GRM6: variants seen among roughly 807,000 people sequenced by gnomAD.
GRM6 encodes the protein metabotropic glutamate receptor 6.
In GRM6, 73 loss-of-function variants were observed where a neutral mutation model predicts 78.4. The ratio of observed to expected loss-of-function variants is 0.93; its 90% CI spans 0.77 to 1.13. The LOEUF (loss-of-function observed/expected upper bound fraction) is 1.13. Ranked by LOEUF, GRM6 falls within the 50% of genes most tolerant of loss-of-function variation. The pLI is 0.00. For synonymous variants in GRM6, 580 were observed against 555.0 expected, an observed-to-expected ratio of 1.05 and a Z score of -0.63; for missense variants, 1,251 against 1,256.4, an observed-to-expected ratio of 1.00 and a Z score of 0.07.
Position 178,985,481 on chromosome 5 carries a change from A to G in GRM6, c.2124+649T>C, listed in dbSNP as rs574779132. ...CACTTTGGGAGGCCGAGGTGGGCGG[A>G]TCACGAGGTCAGGAGATCGAGACCA... On this transcript the variant is annotated intron_variant, in intron 9 of 10. Coordinates refer to ENST00000517717, the MANE Select transcript of GRM6 (RefSeq NM_000843.4). The G allele has an allele frequency of 4.1e-4, 141 of 342,564 alleles. 2 individuals carry two copies. The highest frequency in any genetic ancestry group is 3.0e-3 in the South Asian group (136 of 44,830). 21.2% of individuals were successfully genotyped at this position (342,564 alleles called of 1,614,324 possible).
intron 10 of GRM6, among the ~76,000 whole-genome samples, chr5:178,982,573 T>C (rs1692310382): frequency 2.7e-5 from 1 of 37,682 alleles, no homozygotes; most frequent in Non-Finnish European, 4.4e-5. Context: ...TGAGACTCTG[T>C]CTCAAAAAAA....
chr5:178,985,130 C>A, intron 9 of GRM6: 1 of 345,922 alleles, frequency 2.9e-6, no homozygotes, highest in South Asian at 2.2e-5. Flanking sequence ...CTGTGCCTCT[C>A]ATCCACACTG....
At position 178,991,956 on chromosome 5, in the gene GRM6, A is replaced by G. The variant is rs547535418; in HGVS notation, c.632T>C (p.Leu211Pro). The G allele has an allele frequency of 1.1e-5, 18 of 1,613,994 alleles. No individual in the cohort carries two copies. The highest frequency in any genetic ancestry group is 1.5e-5 in the Non-Finnish European group (18 of 1,180,018). The change falls in exon 3 of 11, where the codon CTG becomes CCG. Residue 211 changes from leucine (L) to proline (P), a missense_variant. By Grantham distance (98) the Leu-to-Pro change is moderately conservative (BLOSUM62 -3). Coordinates refer to ENST00000517717, the MANE Select transcript of GRM6 (RefSeq NM_000843.4). The surrounding 1 kb of genome is among the most constrained non-coding windows in gnomAD (Gnocchi z 5.0). ...AQAMVDIVRA[L>P]GWNYVSTLAS... ...CAGCGTGGACACATAGTTCCATCCC[A>G]GTGCCCTCACGATGTCCACCATGGC... is the stretch of plus-strand genomic sequence containing the variant.
In GRM6 at chr5:178,992,759, GA is replaced by G. The variant is rs1760704583; in HGVS notation, c.505-677del. ...AGCAGGAGCTGGTGTGAAGGCCAGAGAGGGGGAGTTTCTGGAAGGAGGGAGG... is the reference window on the plus strand; with the variant it reads ...AGCAGGAGCTGGTGTGAAGGCCAGAGGGGGGAGTTTCTGGAAGGAGGGAGG... On this transcript the variant is annotated intron_variant, in intron 2 of 10. Coordinates refer to ENST00000517717, the MANE Select transcript of GRM6 (RefSeq NM_000843.4). This position sits in a 1 kb window ranked among gnomAD's most constrained non-coding sequence, Gnocchi z 4.9. 6.6e-6 allele frequency among the ~76,000 whole-genome samples: 1 copy of G among 152,190 alleles called. No individual in the cohort carries two copies. The highest frequency in any genetic ancestry group is 1.5e-5 in the Non-Finnish European group (1 of 67,998).
chr5:178,987,447 G>A (rs1205296811), intron 7 of GRM6: 1 of 457,524 alleles, frequency 2.2e-6, no homozygotes, highest in South Asian at 1.5e-5. Flanking sequence ...ACACGACGGG[G>A]CCATTCACAC....
rs573845106 is a variant in GRM6 at position 178,988,038 on chromosome 5, G to A, written c.1354+897C>T. On this transcript the variant is annotated intron_variant, in intron 7 of 10. Transcript: ENST00000517717. This position sits in a 1 kb window ranked among gnomAD's most constrained non-coding sequence, Gnocchi z 6.0. ...GCCTCCCAAAGTGCTCAGATTACAGGAGTGAGCCATTGCGCCCAGACTGAA... is the reference window on the plus strand; with the variant it reads ...GCCTCCCAAAGTGCTCAGATTACAGAAGTGAGCCATTGCGCCCAGACTGAA... Among the ~76,000 whole-genome samples the A allele has an allele frequency of 2.0e-5, 3 of 152,288 alleles. No homozygotes were observed. In the South Asian group the frequency reaches 6.2e-4, roughly 32 times the overall value.
chr5:178,989,582 G>C (rs986777483), intron 5 of GRM6, among the ~76,000 whole-genome samples, 177 bp from the exon 6 acceptor site: 9 of 151,844 alleles, frequency 5.9e-5, no homozygotes, highest in African/African-American at 2.2e-4. Context: ...GGCGTGGCCA[G>C]GTGAGCTAGG....
At chr5:178,983,548 A>G (rs757913483) in intron 9 of GRM6, 2 of 516,930 alleles carry the variant, frequency 3.9e-6, no homozygotes, top group Non-Finnish European at 7.5e-6. Flanking sequence ...GCCATTACCA[A>G]TGCCATTTAC....
At chr5:178,989,200 T>TGCCCCCC in intron 6 of GRM6, 65 bp from the exon 7 acceptor site, 1 of 1,333,676 alleles carries the variant, frequency 7.5e-7, no homozygotes. Context: ...CCTCCCGCCT[T>TGCCCCCC]CCCCCTCCCC....
Position 178,981,826 on chromosome 5 carries a change from A to G in GRM6, c.2465T>C (p.Val822Ala), listed in dbSNP as rs1396870224. The stretch of plus-strand genomic sequence containing the variant: ...CACCGAGGCACTCAGGCTCAAGGAC[A>G]CGGTTAGCGTGGTTGTCTGGATGTA... ...KIYIQTTTLT[V>A]SLSLSASVSL... Residue 822 changes from valine (V) to alanine (A), a missense_variant, in exon 11 of 11, where the codon GTG (valine) becomes GCG (alanine). Coordinates refer to ENST00000517717, the MANE Select transcript of GRM6 (RefSeq NM_000843.4). This position sits in a 1 kb window ranked among gnomAD's most constrained non-coding sequence, Gnocchi z 5.1. 2.5e-6 allele frequency: 4 copies of G among 1,613,014 alleles called. No individual in the cohort carries two copies. Among genetic ancestry groups the G allele is most frequent in the African/African-American group, 1.3e-5 (1 of 74,934 alleles).
At chr5:178,990,331 C>T (rs147118095) in intron 5 of GRM6, among the ~76,000 whole-genome samples, 1 of 152,202 alleles carries the variant, frequency 6.6e-6, no homozygotes, top group Non-Finnish European at 1.5e-5. Flanking sequence ...ACTAGAAATA[C>T]AGGCACTAAA....
Position 178,991,754 on chromosome 5 carries a change from G to A in GRM6, c.721+113C>T, listed in dbSNP as rs1178009557. The stretch of plus-strand genomic sequence containing the variant: ...CCCGCCCACATGGAGCACCAGCCAG[G>A]CAACCTCGGCCCAGCATGGACCTGG... On this transcript the variant is annotated intron_variant, in intron 3 of 10. Coordinates refer to ENST00000517717, the MANE Select transcript of GRM6 (RefSeq NM_000843.4). This position sits in a 1 kb window ranked among gnomAD's most constrained non-coding sequence, Gnocchi z 5.0. 8.7e-7 allele frequency: 1 copy of A among 1,149,014 alleles called. No individual in the cohort carries two copies. Among genetic ancestry groups the A allele is most frequent in the Non-Finnish European group, 1.3e-6 (1 of 774,950 alleles). 71.2% of individuals were successfully genotyped at this position (1,149,014 alleles called of 1,614,324 possible).
intron 6 of GRM6, 65 bp from the exon 7 acceptor site, chr5:178,989,200 T>TA: frequency 1.5e-6 from 2 of 1,333,658 alleles, no homozygotes; most frequent in Non-Finnish European, 2.1e-6. Flanking sequence ...CCTCCCGCCT[T>TA]CCCCCTCCCC....
In GRM6 at chr5:178,978,926, G is replaced by A. The variant is rs1760336677; in HGVS notation, c.*2731C>T. 1 of 152,118 alleles carries A rather than the reference G, an allele frequency of 6.6e-6. No homozygotes were observed. Among genetic ancestry groups the A allele is most frequent in the African/African-American group, 2.4e-5 (1 of 41,414 alleles). The allele number at this position is 152,118 out of a possible 1,614,324, so 9.4% of individuals were successfully genotyped here. ...ATGCAAAAAAACAGGAAAATCTTTA[G>A]GGAGCTGTCAACCTCCACTGAACAC... On this transcript the variant is annotated 3_prime_UTR_variant, in exon 11 of 11. Coordinates refer to ENST00000517717, the MANE Select transcript of GRM6 (RefSeq NM_000843.4).
chr5:178,985,575 C>G (rs369403818), intron 9 of GRM6: 83 of 339,040 alleles, frequency 2.4e-4, no homozygotes, highest in South Asian at 1.2e-3. Flanking sequence ...TGGTGGCGGG[C>G]GCCTGTAGTC....
In GRM6 at chr5:178,983,165, A is replaced by G. The variant is rs1244664077; in HGVS notation, c.2181T>C (p.Tyr727=). Residue 727 remains tyrosine, a synonymous_variant, in exon 10 of 11, where the codon TAT becomes TAC. Coordinates refer to ENST00000517717, the MANE Select transcript of GRM6 (RefSeq NM_000843.4). ...CGGGGTCCACCGTCCGCTGTTCCTCATAGTCAATCACGCTGTGTGGGGGCC... is the reference window on the plus strand; with the variant it reads ...CGGGGTCCACCGTCCGCTGTTCCTCGTAGTCAATCACGCTGTGTGGGGGCC... The part of the protein sequence containing the change: ...GARPPHSVID[Y]EEQRTVDPEQ... 4 of 1,613,908 alleles carry G rather than the reference A, an allele frequency of 2.5e-6. No homozygotes were observed. Among genetic ancestry groups the G allele is most frequent in the Non-Finnish European group, 3.4e-6 (4 of 1,180,016 alleles).
At chr5:178,990,252 T>A in intron 5 of GRM6, 1 of 358,380 alleles carries the variant, frequency 2.8e-6, no homozygotes, top group East Asian at 6.7e-5. Context: ...ATCACCAGGA[T>A]GGTATATTCC....
Position 178,981,745 on chromosome 5 carries a change from T to C in GRM6, c.2546A>G (p.Gln849Arg). ...KTYVILFHPE[Q>R]NVQKRKRSLK... ...GCTCCGCTTTCGCTTCTGCACATTC[T>C]GCTCTGGATGGAAGAGGATGACGTA... Residue 849 changes from glutamine (Q) to arginine (R), a missense_variant, in exon 11 of 11, where the codon CAG becomes CGG. Transcript: ENST00000517717. The surrounding 1 kb of genome is among the most constrained non-coding windows in gnomAD (Gnocchi z 5.1). The C allele has an allele frequency of 6.2e-7, 1 of 1,613,894 alleles. No homozygotes were observed. Among genetic ancestry groups the C allele is most frequent in the South Asian group, 1.1e-5 (1 of 91,082 alleles).
In GRM6 at chr5:178,990,741, A is replaced by G; in HGVS notation, c.863T>C (p.Val288Ala). The G allele has an allele frequency of 1.3e-6, 2 of 1,566,132 alleles. No individual in the cohort carries two copies. The highest frequency in any genetic ancestry group is 1.7e-6 in the Non-Finnish European group (2 of 1,156,372). ...GTTGGCCTGGCGAGCTGCCTCCAGG[A>G]CCCGCCTGGTAGGAGCAGGGCTGGG... ...IFANEDDIRR[V>A]LEAARQANLT... is the part of the protein sequence containing the mutation. Residue 288 changes from valine to alanine, a missense_variant, in exon 5 of 11, where the codon GTC (valine) becomes GCC (alanine). Val to Ala is a moderately conservative substitution (Grantham distance 64). Transcript: ENST00000517717.
Sources: allele counts gnomAD v4.1 joint callset (sites outside exome capture counted in the v4.1 genomes callset), GRCh38; gene constraint gnomAD v4.1.1; non-coding constraint Gnocchi (gnomAD v3.1); transcripts MANE v1.5; gene names NCBI Gene and HGNC (gene_info 2026-07-23, HGNC 2026-07-21).